Variants in DGKB observed in about 807,000 individuals in gnomAD.
The protein encoded by DGKB is diacylglycerol kinase beta.
DGKB carries 67 observed loss-of-function variants against 114.3 expected under a neutral mutation model. The observed-to-expected ratio is 0.59, with a 90% CI of 0.48 to 0.72. The LOEUF is 0.72. Ranked by LOEUF, DGKB falls within the 30% of genes least tolerant of loss-of-function variation. DGKB has a pLI of 0.00. For synonymous variants in DGKB, 398 were observed against 323.1 expected (o/e 1.23, Z -2.49); for missense variants, 907 against 975.2 (o/e 0.93, Z 0.93).
At chr7:14,376,022 C>A (rs1189700631) in intron 21 of DGKB, among the ~76,000 whole-genome samples, 1 of 152,084 alleles carries the variant, frequency 6.6e-6, no homozygotes, top group Non-Finnish European at 1.5e-5. Context: ...GAATACTGAC[C>A]ATGCAAATTG....
chr7:14,922,398 G>GTGTGTGTA (rs1562877914), intron 1 of DGKB, among the ~76,000 whole-genome samples: 6 of 151,798 alleles, frequency 4.0e-5, no homozygotes, highest in African/African-American at 1.4e-4. Flanking sequence ...GTGTGTGTGT[G>GTGTGTGTA]TGTGTGTGTG....
intron 21 of DGKB, among the ~76,000 whole-genome samples, chr7:14,407,193 G>C (rs766538523): frequency 6.6e-6 from 1 of 152,064 alleles, no homozygotes; most frequent in African/African-American, 2.4e-5. Context: ...CTAGTTCAAC[G>C]GTTCCAGGAA....
intron 23 of DGKB, among the ~76,000 whole-genome samples, chr7:14,304,052 C>CAG (rs1562885055): frequency 2.0e-3 from 88 of 44,516 alleles, no homozygotes; most frequent in Admixed American, 7.8e-3. Flanking sequence ...ATAGAACACA[C>CAG]ACACACACAC....
chr7:14,247,344 G>T (rs554064058), intron 23 of DGKB, among the ~76,000 whole-genome samples: 2 of 152,030 alleles, frequency 1.3e-5, no homozygotes, highest in Non-Finnish European at 2.9e-5. Context: ...TCAACACATT[G>T]AGCTCATTTT....
intron 5 of DGKB, among the ~76,000 whole-genome samples, chr7:14,725,984 G>A (rs1286200906): frequency 6.6e-6 from 1 of 152,120 alleles, no homozygotes; most frequent in Non-Finnish European, 1.5e-5. Context: ...TGAAGTACAT[G>A]TATCCTGTTT....
intron 1 of DGKB, among the ~76,000 whole-genome samples, chr7:14,917,449 C>A (rs1035766317): frequency 6.6e-6 from 1 of 151,910 alleles, no homozygotes; most frequent in Non-Finnish European, 1.5e-5. Context: ...GAGGTCATCA[C>A]TGATCCCATT....
At chr7:14,279,383 G>A (rs1366738162) in intron 23 of DGKB, among the ~76,000 whole-genome samples, 1 of 152,126 alleles carries the variant, frequency 6.6e-6, no homozygotes, top group Non-Finnish European at 1.5e-5. Context: ...GCCCACCACA[G>A]CTCAAGGAGG....
At chr7:14,273,999 G>A (rs940801297) in intron 23 of DGKB, among the ~76,000 whole-genome samples, 1 of 152,096 alleles carries the variant, frequency 6.6e-6, no homozygotes, top group Non-Finnish European at 1.5e-5. Flanking sequence ...GTATTTCATT[G>A]TTTTGTGGGA....
intron 23 of DGKB, among the ~76,000 whole-genome samples, chr7:14,272,415 A>G (rs2190385): frequency 0.42 from 64,528 of 152,074 alleles, 15,763 homozygotes; most frequent in Non-Finnish European, 0.57. Flanking sequence ...ATATGATAAA[A>G]AAGAAATGCA....
At chr7:14,176,760 A>G in intron 25 of DGKB, 79 bp downstream of exon 25, 1 of 1,556,738 alleles carries the variant, frequency 6.4e-7, no homozygotes, top group Admixed American at 1.9e-5. Context: ...TAAAGAAAAA[A>G]ATCAGTTATT....
intron 2 of DGKB, among the ~76,000 whole-genome samples, chr7:14,819,284 T>G (rs1844580558): frequency 6.6e-6 from 1 of 152,082 alleles, no homozygotes. Context: ...ATAACAATAG[T>G]GAGTAATGAT....
At position 14,315,778 on chromosome 7, in the gene DGKB, C is replaced by T. The variant is rs889059133; in HGVS notation, c.2122+22737G>A. On this transcript the variant is annotated intron_variant, in intron 23 of 25. Transcript: ENST00000402815. ...GAATTGAACTCAGCTCTGCACCAAG[C>T]GGACCTAATAGACATCTACAGAAGT... 9.4e-4 allele frequency among the ~76,000 whole-genome samples: 142 copies of T among 151,440 alleles called. No individual in the cohort carries two copies. In the East Asian group the frequency reaches 9.5e-3, roughly 10 times the overall value.
chr7:14,935,335 G>T (rs140463003), intron 1 of DGKB, among the ~76,000 whole-genome samples: 5 of 152,176 alleles, frequency 3.3e-5, no homozygotes, highest in East Asian at 3.9e-4. Context: ...CAAGAGTTTC[G>T]CCAAGGCTTA....
Position 14,736,024 on chromosome 7 carries a change from A to T in DGKB, c.322+17T>A. 1 of 1,514,718 alleles carries T rather than the reference A, an allele frequency of 6.6e-7. No homozygotes were observed. Among genetic ancestry groups the T allele is most frequent in the Non-Finnish European group, 8.9e-7 (1 of 1,117,962 alleles). The allele number at this position is 1,514,718 out of a possible 1,614,324, so 93.8% of individuals were successfully genotyped here. A position where few individuals can be genotyped will look rare whatever the true frequency, so the allele number is the denominator to read the frequency against. ...TGAAATTTGTACTATATAAATGTTT[A>T]AAGTAAGTAAACTTACCGCCTGATA... On this transcript the variant is annotated intron_variant, in intron 5 of 25. Transcript: ENST00000402815.
intron 23 of DGKB, among the ~76,000 whole-genome samples, chr7:14,199,079 A>G (rs1785444232): frequency 1.3e-5 from 2 of 152,028 alleles, no homozygotes; most frequent in East Asian, 3.9e-4. Context: ...CTGACCTTAG[A>G]TTGTGATTAA....
At chr7:14,336,041 C>T (rs985809951) in intron 23 of DGKB, among the ~76,000 whole-genome samples, 1 of 152,012 alleles carries the variant, frequency 6.6e-6, no homozygotes, top group African/African-American at 2.4e-5. Context: ...ACCATGCCTG[C>T]CCTATTGCTG....
chr7:14,919,460 G>C (rs977692174), intron 1 of DGKB, among the ~76,000 whole-genome samples: 1 of 152,138 alleles, frequency 6.6e-6, no homozygotes, highest in African/African-American at 2.4e-5. Flanking sequence ...CCTATACAGA[G>C]ACCTTACATG....
chr7:14,262,311 G>A (rs905719866), intron 23 of DGKB, among the ~76,000 whole-genome samples: 4 of 152,190 alleles, frequency 2.6e-5, no homozygotes, highest in African/African-American at 9.6e-5. Context: ...GCATTAAGAG[G>A]TGGTGCCTTT....
chr7:14,871,989 G>C (rs531512065), intron 1 of DGKB, among the ~76,000 whole-genome samples: 1 of 152,126 alleles, frequency 6.6e-6, no homozygotes, highest in East Asian at 1.9e-4. Flanking sequence ...CCTAAATACA[G>C]CGATCTTCAA....
Sources: allele counts gnomAD v4.1 joint callset (sites outside exome capture counted in the v4.1 genomes callset), GRCh38; gene constraint gnomAD v4.1.1; transcripts MANE v1.5; gene names NCBI Gene and HGNC (gene_info 2026-07-23, HGNC 2026-07-21).